Variants in ACTR3C observed in about 807,000 individuals in gnomAD.
ACTR3C encodes actin-related protein 3C.
A neutral mutation model predicts 26.3 loss-of-function variants in ACTR3C; 18 were observed. The ratio of observed to expected loss-of-function variants is 0.68; its 90% CI spans 0.47 to 1.01. The LOEUF (loss-of-function observed/expected upper bound fraction) is 1.01. Ranked by LOEUF, ACTR3C falls within the 50% of genes least tolerant of loss-of-function variation. The pLI, the probability that ACTR3C is intolerant of heterozygous loss-of-function variation, is 0.00. For synonymous variants in ACTR3C, 55 were observed against 94.5 expected, an observed-to-expected ratio of 0.58 and a Z score of 2.42; for missense variants, 184 against 250.7, an observed-to-expected ratio of 0.73 and a Z score of 1.80.
At chr7:150,256,799 C>A (rs1300898859) in intron 6 of ACTR3C, among the ~76,000 whole-genome samples, 1 of 152,028 alleles carries the variant, frequency 6.6e-6, no homozygotes. Flanking sequence ...GATGTGGGAG[C>A]AGAAAGCAAA....
the ACTR3C span, among the ~76,000 whole-genome samples, chr7:150,006,090 A>G: frequency 6.6e-6 from 1 of 152,062 alleles, no homozygotes; most frequent in Non-Finnish European, 1.5e-5. Flanking sequence ...GTGCCCACTG[A>G]TCACAGGCTC....
Position 150,312,684 on chromosome 7 carries a change from G to A in ACTR3C, c.-52+10785C>T, listed in dbSNP as rs533794752. Among the ~76,000 whole-genome samples, 4 of 152,256 alleles carry A rather than the reference G, an allele frequency of 2.6e-5. No homozygotes were observed. In the South Asian group the frequency reaches 8.3e-4, roughly 32 times the overall value. ...CTCATTATAAAATTTTCTTTAAGGT[G>A]TCCATGCAGTCCCTGGTCATAGTTG... On this transcript the variant is annotated intron_variant, in intron 1 of 7. Transcript: ENST00000683684.
At chr7:149,926,994 C>T in the ACTR3C span, among the ~76,000 whole-genome samples, 5 of 152,018 alleles carry the variant, frequency 3.3e-5, no homozygotes, top group South Asian at 2.1e-4. Context: ...TGACACAGCA[C>T]GCAGGGCCTC....
chr7:149,906,109 A>G, the ACTR3C span, among the ~76,000 whole-genome samples: 1 of 152,142 alleles, frequency 6.6e-6, no homozygotes, highest in African/African-American at 2.4e-5. Context: ...AAAACATAAT[A>G]TTGAGGGTTT....
At chr7:150,269,510 G>A (rs952441844) in intron 6 of ACTR3C, among the ~76,000 whole-genome samples, 1 of 149,124 alleles carries the variant, frequency 6.7e-6, no homozygotes, top group African/African-American at 2.5e-5. Flanking sequence ...CGTCAGCACC[G>A]GCCCAGGGAA....
the ACTR3C span, among the ~76,000 whole-genome samples, chr7:149,900,495 T>A: frequency 0.37 from 56,027 of 151,356 alleles, 10,512 homozygotes; most frequent in East Asian, 0.42. Flanking sequence ...TAATTAAGAA[T>A]AAATAAATAA....
chr7:150,003,614 T>C, the ACTR3C span, among the ~76,000 whole-genome samples: 1 of 115,722 alleles, frequency 8.6e-6, no homozygotes, highest in African/African-American at 2.6e-5. Context: ...TTATCTGGTG[T>C]GTGTGTGTGT....
At chr7:150,271,520 C>CT (rs1174701702) in intron 6 of ACTR3C, among the ~76,000 whole-genome samples, 10 of 150,254 alleles carry the variant, frequency 6.7e-5, no homozygotes, top group African/African-American at 2.5e-4. Flanking sequence ...TGAACTCATC[C>CT]TTTTTTATGG....
chr7:150,310,429 C>A (rs549470273), intron 1 of ACTR3C, among the ~76,000 whole-genome samples: 1 of 152,296 alleles, frequency 6.6e-6, no homozygotes, highest in African/African-American at 2.4e-5. Context: ...ATTCTCCTTA[C>A]AACTCCCCTA....
At chr7:149,985,221 C>CAT in the ACTR3C span, among the ~76,000 whole-genome samples, 1 of 140,240 alleles carries the variant, frequency 7.1e-6, no homozygotes, top group African/African-American at 2.5e-5. Context: ...CACACACACA[C>CAT]ACACACACAC....
the ACTR3C span, among the ~76,000 whole-genome samples, chr7:150,037,884 G>C: frequency 2.3e-5 from 3 of 129,206 alleles, no homozygotes; most frequent in South Asian, 2.4e-4. Flanking sequence ...AAGAGCAAAG[G>C]GGGGAAGAGG....
At chr7:150,074,545 T>G in the ACTR3C span, among the ~76,000 whole-genome samples, 1 of 151,008 alleles carries the variant, frequency 6.6e-6, no homozygotes, top group South Asian at 2.1e-4. Context: ...CCTCAGATCC[T>G]CACACCACCC....
the ACTR3C span, among the ~76,000 whole-genome samples, chr7:149,986,633 A>G: frequency 6.6e-6 from 1 of 152,132 alleles, no homozygotes. Context: ...GGAATTGAAC[A>G]AACTCATTGC....
At chr7:150,249,780 T>C (rs143577646) in intron 6 of ACTR3C, among the ~76,000 whole-genome samples, 9,530 of 152,162 alleles carry the variant, frequency 0.063, 975 homozygotes, top group African/African-American at 0.22. Context: ...TTAAAAGCGA[T>C]ATTTGATGTT....
At chr7:149,959,232 C>G in the ACTR3C span, among the ~76,000 whole-genome samples, 2,298 of 150,334 alleles carry the variant, frequency 0.015, 67 homozygotes, top group African/African-American at 0.052. Flanking sequence ...GCCCCCCACC[C>G]CCACAATCTC....
the ACTR3C span, among the ~76,000 whole-genome samples, chr7:150,129,383 G>A: frequency 6.6e-6 from 1 of 152,114 alleles, no homozygotes; most frequent in African/African-American, 2.4e-5. Flanking sequence ...GGCAGTCCTA[G>A]CCAGTGTAAT....
intron 6 of ACTR3C, among the ~76,000 whole-genome samples, chr7:150,262,675 A>G (rs1387373006): frequency 6.6e-6 from 1 of 152,266 alleles, no homozygotes; most frequent in African/African-American, 2.4e-5. Context: ...ATTTTATATC[A>G]TGTAAAATAG....
At chr7:150,103,199 T>TA in the ACTR3C span, among the ~76,000 whole-genome samples, 8 of 151,968 alleles carry the variant, frequency 5.3e-5, no homozygotes, top group Non-Finnish European at 1.0e-4. Flanking sequence ...ATGCCTGGCT[T>TA]ACAGCAGGTG....
chr7:150,187,186 T>C, the ACTR3C span, among the ~76,000 whole-genome samples: 1 of 151,448 alleles, frequency 6.6e-6, no homozygotes, highest in Admixed American at 6.6e-5. Context: ...ACACCTTCTT[T>C]TGCTTGCTAT....
Sources: gnomAD v4.1 joint callset for allele counts (sites outside exome capture counted in the v4.1 genomes callset) on GRCh38, gnomAD v4.1.1 for gene constraint, MANE v1.5 for transcripts, NCBI Gene and HGNC (gene_info 2026-07-23, HGNC 2026-07-21) for gene names.